KCNIP4: variants seen among roughly 807,000 people sequenced by gnomAD.
The protein encoded by KCNIP4 is potassium voltage-gated channel interacting protein 4.
A neutral mutation model predicts 34.0 loss-of-function variants in KCNIP4; 12 were observed. The observed-to-expected ratio is 0.35, with a 90% CI of 0.23 to 0.57. The LOEUF is 0.57. Among genes scored for constraint, KCNIP4 ranks in the 20% least tolerant of loss-of-function variants. KCNIP4 has a pLI of 0.83. For synonymous variants in KCNIP4, 124 were observed against 102.2 expected, an observed-to-expected ratio of 1.21 and a Z score of -1.29; for missense variants, 238 against 311.7, an observed-to-expected ratio of 0.76 and a Z score of 1.78.
intron 1 of KCNIP4, among the ~76,000 whole-genome samples, chr4:21,072,808 G>T (rs950292551): frequency 2.8e-4 from 42 of 152,236 alleles, no homozygotes; most frequent in African/African-American, 9.9e-4. Context: ...AATCCACCTT[G>T]AATTAATTTT....
chr4:20,962,331 T>C (rs150933795), intron 1 of KCNIP4, among the ~76,000 whole-genome samples: 4 of 152,332 alleles, frequency 2.6e-5, no homozygotes, highest in African/African-American at 9.6e-5. Flanking sequence ...GGAGGCTGAG[T>C]CTGCCTAATT....
chr4:21,192,241 T>G (rs979591225), intron 1 of KCNIP4, among the ~76,000 whole-genome samples: 1 of 152,310 alleles, frequency 6.6e-6, no homozygotes, highest in Non-Finnish European at 1.5e-5. Context: ...ATGCCATCAA[T>G]TTTAGGGCAC....
chr4:21,853,495 T>C (rs1390173921), intron 1 of KCNIP4, among the ~76,000 whole-genome samples: 1 of 152,206 alleles, frequency 6.6e-6, no homozygotes, highest in African/African-American at 2.4e-5. Flanking sequence ...TTTTCATTTA[T>C]AGAAATCAGT....
chr4:21,735,623 G>GT (rs968984514), intron 1 of KCNIP4, among the ~76,000 whole-genome samples: 38 of 152,174 alleles, frequency 2.5e-4, no homozygotes, highest in African/African-American at 8.4e-4. Flanking sequence ...TTTTGTTTTT[G>GT]TTTTTGTTTT....
At chr4:21,884,927 C>T (rs7671527) in intron 1 of KCNIP4, among the ~76,000 whole-genome samples, 148,993 of 152,070 alleles carry the variant, frequency 0.98, 73,068 homozygotes, top group East Asian at 1. Flanking sequence ...TCAGTGATAC[C>T]CTGCCAACAA....
intron 1 of KCNIP4, among the ~76,000 whole-genome samples, chr4:21,862,270 C>T (rs373237571): frequency 5.3e-5 from 8 of 152,152 alleles, no homozygotes; most frequent in Non-Finnish European, 1.0e-4. Flanking sequence ...CCATAGGCAA[C>T]AGAAACAGAG....
intron 1 of KCNIP4, among the ~76,000 whole-genome samples, chr4:21,919,640 C>T (rs1728831790): frequency 6.6e-6 from 1 of 152,082 alleles, no homozygotes; most frequent in African/African-American, 2.4e-5. Context: ...TCATGGGGTT[C>T]CCATAGCCCT....
At chr4:21,771,136 T>C (rs1718755805) in intron 1 of KCNIP4, among the ~76,000 whole-genome samples, 1 of 152,108 alleles carries the variant, frequency 6.6e-6, no homozygotes. Context: ...AAAGAAGGGG[T>C]CCAGTTTCAG....
intron 1 of KCNIP4, among the ~76,000 whole-genome samples, chr4:20,980,744 C>T (rs1473262672): frequency 6.6e-6 from 1 of 151,748 alleles, no homozygotes; most frequent in African/African-American, 2.4e-5. Flanking sequence ...AACATGTAAG[C>T]TCAATGCTGC....
At chr4:21,529,304 G>T (rs561177007) in intron 1 of KCNIP4, among the ~76,000 whole-genome samples, 2 of 152,228 alleles carry the variant, frequency 1.3e-5, no homozygotes, top group East Asian at 3.9e-4. Context: ...AGGAGAAAGG[G>T]TGCAAAATAC....
At position 21,533,742 on chromosome 4, in the gene KCNIP4, T is replaced by G. The variant is rs150572243; in HGVS notation, c.61+414829A>C. On this transcript the variant is annotated intron_variant, in intron 1 of 8. Coordinates refer to ENST00000382152, the MANE Select transcript of KCNIP4 (RefSeq NM_025221.6). Reference sequence around the variant, plus strand: ...CTCAGCGAATACTATAAAACCCATTTATTAAGAAATTGAGGCTAGACGATG... The same window carrying G: ...CTCAGCGAATACTATAAAACCCATTGATTAAGAAATTGAGGCTAGACGATG... Among the ~76,000 whole-genome samples, 974 of 152,264 alleles carry G rather than the reference T, an allele frequency of 6.4e-3. 5 individuals carry two copies. The highest frequency in any genetic ancestry group is 8.0e-3 in the Non-Finnish European group (547 of 67,996).
At chr4:20,997,559 A>G (rs1191515417) in intron 1 of KCNIP4, among the ~76,000 whole-genome samples, 1 of 152,182 alleles carries the variant, frequency 6.6e-6, no homozygotes. Flanking sequence ...CTGCACAACC[A>G]AGACTTAGGA....
chr4:21,820,287 ATATATATATATATATATATATAT>A (rs1560738648), intron 1 of KCNIP4, among the ~76,000 whole-genome samples: 313 of 6,478 alleles, frequency 0.048, 4 homozygotes, highest in Admixed American at 0.07. Context: ...GTGTGTGTGT[ATATATATATATATATATATATAT>A]ATATATATAT....
intron 1 of KCNIP4, among the ~76,000 whole-genome samples, chr4:21,061,053 A>G (rs966501325): frequency 2.6e-5 from 4 of 152,158 alleles, no homozygotes; most frequent in Non-Finnish European, 4.4e-5. Flanking sequence ...TTTTATTCCC[A>G]GTAGGAAAAA....
At chr4:21,716,430 G>T (rs1220862809) in intron 1 of KCNIP4, among the ~76,000 whole-genome samples, 2 of 151,940 alleles carry the variant, frequency 1.3e-5, no homozygotes, top group Non-Finnish European at 2.9e-5. Flanking sequence ...TAGAGACAGG[G>T]TTTCGCAGTG....
At chr4:21,224,905 G>A (rs57118797) in intron 1 of KCNIP4, among the ~76,000 whole-genome samples, 27 of 151,870 alleles carry the variant, frequency 1.8e-4, no homozygotes, top group Admixed American at 5.9e-4. Context: ...TCAACTTTAC[G>A]ATGATGCAAA....
chr4:21,093,845 G>T (rs1033150437), intron 1 of KCNIP4, among the ~76,000 whole-genome samples: 2 of 152,132 alleles, frequency 1.3e-5, no homozygotes, highest in Non-Finnish European at 2.9e-5. Flanking sequence ...CACTTTGGGA[G>T]GCCACGGCGG....
chr4:21,336,404 G>A (rs906617460), intron 1 of KCNIP4, among the ~76,000 whole-genome samples: 1 of 151,960 alleles, frequency 6.6e-6, no homozygotes, highest in African/African-American at 2.4e-5. Flanking sequence ...ACTGAGAAAT[G>A]AACACCTTCA....
chr4:21,383,075 C>T (rs917831420), intron 1 of KCNIP4, among the ~76,000 whole-genome samples: 2 of 152,090 alleles, frequency 1.3e-5, no homozygotes, highest in East Asian at 1.9e-4. Context: ...AATCTGGACA[C>T]ATAAAGAAAC....
Sources: gnomAD v4.1 joint callset for allele counts (sites outside exome capture counted in the v4.1 genomes callset) on GRCh38, gnomAD v4.1.1 for gene constraint, MANE v1.5 for transcripts, NCBI Gene and HGNC (gene_info 2026-07-23, HGNC 2026-07-21) for gene names.